CPLX2: variants seen among roughly 807,000 people sequenced by gnomAD.
The protein encoded by CPLX2 is complexin 2, also known as complexin-2.
CPLX2 carries 5 observed loss-of-function variants against 16.3 expected under a neutral mutation model. The observed-to-expected ratio is 0.31, with a 90% CI of 0.16 to 0.64. CPLX2 has a LOEUF of 0.64. Among genes scored for constraint, CPLX2 ranks in the 30% least tolerant of loss-of-function variants. The pLI is 0.79. For synonymous variants in CPLX2, 89 were observed against 73.2 expected (o/e 1.22, Z -1.10); for missense variants, 144 against 181.4 (o/e 0.79, Z 1.18).
chr5:175,855,956 A>G (rs1162950649), intron 2 of CPLX2, among the ~76,000 whole-genome samples: 1 of 152,196 alleles, frequency 6.6e-6, no homozygotes. Context: ...ACACAGAGAC[A>G]CAGGATGACC....
chr5:175,808,135 C>T (rs1452311760), intron 1 of CPLX2, among the ~76,000 whole-genome samples: 2 of 152,204 alleles, frequency 1.3e-5, no homozygotes, highest in Non-Finnish European at 2.9e-5. Flanking sequence ...CTGGCTGCAG[C>T]AGAGAGCAAG....
At chr5:175,871,955 C>A (rs756798407) in intron 1 of CPLX2, 5 of 152,256 alleles carry the variant, frequency 3.3e-5, no homozygotes, top group Non-Finnish European at 5.9e-5. Context: ...TAGCTGCGAA[C>A]TAAGAGGAAG....
intron 2 of CPLX2, among the ~76,000 whole-genome samples, chr5:175,866,568 GAGTGCC>G (rs1205178118): frequency 6.6e-6 from 1 of 151,038 alleles, no homozygotes; most frequent in African/African-American, 2.4e-5. Context: ...ACATGCTAAT[GAGTGCC>G]TGAATCTGGG....
chr5:175,798,948 TG>T (rs963295516), intron 1 of CPLX2, among the ~76,000 whole-genome samples: 2 of 152,234 alleles, frequency 1.3e-5, no homozygotes, highest in Non-Finnish European at 1.5e-5. Flanking sequence ...TGGACAGCCT[TG>T]GAAGTCACTA....
intron 2 of CPLX2, among the ~76,000 whole-genome samples, chr5:175,817,055 C>A (rs1039472273): frequency 3.3e-5 from 5 of 152,246 alleles, no homozygotes; most frequent in African/African-American, 1.2e-4. Context: ...GGGATACCGA[C>A]CCTCACTGCT....
At chr5:175,831,340 C>G (rs1339992183) in intron 2 of CPLX2, among the ~76,000 whole-genome samples, 1 of 152,136 alleles carries the variant, frequency 6.6e-6, no homozygotes, top group Non-Finnish European at 1.5e-5. Context: ...GGGACTTGCT[C>G]AAGGCCAGTC....
At chr5:175,836,715 G>C (rs1344278630) in intron 2 of CPLX2, among the ~76,000 whole-genome samples, 1 of 152,214 alleles carries the variant, frequency 6.6e-6, no homozygotes, top group Non-Finnish European at 1.5e-5. Context: ...CCCGTCCTCT[G>C]TCCAAAAGAT....
intron 2 of CPLX2, among the ~76,000 whole-genome samples, chr5:175,811,919 T>C (rs554473984): frequency 1.3e-5 from 2 of 152,332 alleles, no homozygotes; most frequent in East Asian, 3.9e-4. Context: ...CTTACTGGCA[T>C]AGAGGGATCT....
intron 2 of CPLX2, among the ~76,000 whole-genome samples, chr5:175,822,697 T>A (rs779496049): frequency 1.3e-5 from 2 of 152,180 alleles, no homozygotes; most frequent in African/African-American, 4.8e-5. Context: ...AACACAGCCA[T>A]CTCCTTCCTA....
At position 175,830,015 on chromosome 5, in the gene CPLX2, C is replaced by A. The variant is rs1267105676; in HGVS notation, c.-89+20947C>A. On this transcript the variant is annotated intron_variant, in intron 2 of 4. Coordinates refer to the CPLX2 transcript ENST00000359546. The surrounding 1 kb of genome is among the most constrained non-coding windows in gnomAD (Gnocchi z 4.0). ...CTGAACCTTCTGCTGTTGGTGGAAG[C>A]CAGTCACAGGTCACTGCCTAGCGGT... Among the ~76,000 whole-genome samples, 1 of 152,228 alleles carries A rather than the reference C, an allele frequency of 6.6e-6. No individual in the cohort carries two copies. Among genetic ancestry groups the A allele is most frequent in the Non-Finnish European group, 1.5e-5 (1 of 68,038 alleles).
intron 2 of CPLX2, among the ~76,000 whole-genome samples, chr5:175,860,522 AAGAAAGAAAGAAAGAAAGAT>A (rs771826622): frequency 0.54 from 73,137 of 136,658 alleles, 20,599 homozygotes; most frequent in East Asian, 0.78. Flanking sequence ...AAGAAAAAGA[AAGAAAGAAAGAAAGAAAGAT>A]AGATAGAAAG....
intron 1 of CPLX2, among the ~76,000 whole-genome samples, chr5:175,802,970 T>C (rs1758127591): frequency 6.6e-6 from 1 of 152,148 alleles, no homozygotes; most frequent in African/African-American, 2.4e-5. Flanking sequence ...TAGCTGGGAT[T>C]ACAGGCACCC....
At chr5:175,828,391 C>A (rs956897664) in intron 2 of CPLX2, among the ~76,000 whole-genome samples, 2 of 152,122 alleles carry the variant, frequency 1.3e-5, no homozygotes, top group Admixed American at 6.5e-5. Context: ...TATGTGGAAG[C>A]AACGCACGTT....
chr5:175,822,956 C>T (rs1377053879), intron 2 of CPLX2, among the ~76,000 whole-genome samples: 1 of 152,178 alleles, frequency 6.6e-6, no homozygotes, highest in South Asian at 2.1e-4. Flanking sequence ...ATGGCTGTTA[C>T]GAATCAAGCT....
chr5:175,823,807 G>A (rs986613870), intron 2 of CPLX2, among the ~76,000 whole-genome samples: 1 of 152,136 alleles, frequency 6.6e-6, no homozygotes, highest in African/African-American at 2.4e-5. Context: ...CAGAGTTAAT[G>A]TATCTCCCTC....
At chr5:175,871,431 GAC>G (rs1561790315), upstream of CPLX2, 15 of 79,706 alleles carry the variant, frequency 1.9e-4, no homozygotes, top group South Asian at 4.6e-4. Flanking sequence ...GAGAGAGAGA[GAC>G]AGAGAGAGAG....
rs144013155 is a variant in CPLX2 at position 175,812,416 on chromosome 5, T to C, written c.-89+3348T>C. On this transcript the variant is annotated intron_variant, in intron 2 of 4. Transcript: ENST00000359546. ...AACCCACCAAAGGAAATATGTTGCGTTCCTATCATCCCCTTTGTACCCCCT... is the reference window on the plus strand; with the variant it reads ...AACCCACCAAAGGAAATATGTTGCGCTCCTATCATCCCCTTTGTACCCCCT... Among the ~76,000 whole-genome samples the C allele has an allele frequency of 7.0e-3, 1,061 of 152,316 alleles. 18 individuals carry two copies. The highest frequency in any genetic ancestry group is 0.024 in the African/African-American group (1,017 of 41,574).
At chr5:175,841,074 AG>A (rs1327693343) in intron 2 of CPLX2, among the ~76,000 whole-genome samples, 1 of 152,228 alleles carries the variant, frequency 6.6e-6, no homozygotes, top group Non-Finnish European at 1.5e-5. Context: ...GAATGTTTTA[AG>A]GTAGAAACAA....
intron 1 of CPLX2, among the ~76,000 whole-genome samples, chr5:175,803,345 A>G (rs542442621): frequency 6.6e-6 from 1 of 152,362 alleles, no homozygotes; most frequent in East Asian, 1.9e-4. Flanking sequence ...ACTGGGAGAC[A>G]GAAGCCAGGC....
Sources: gnomAD v4.1 joint callset for allele counts (sites outside exome capture counted in the v4.1 genomes callset) on GRCh38, gnomAD v4.1.1 for gene constraint, Gnocchi (gnomAD v3.1) non-coding constraint, MANE v1.5 for transcripts, NCBI Gene and HGNC (gene_info 2026-07-23, HGNC 2026-07-21) for gene names.